INVS: variants seen among roughly 807,000 people sequenced by gnomAD.
The protein encoded by INVS is inversin, also known as inversion of embryo turning homolog.
A neutral mutation model predicts 108.8 loss-of-function variants in INVS; 86 were observed. The observed-to-expected ratio is 0.79, with a 90% CI of 0.66 to 0.95. The LOEUF (loss-of-function observed/expected upper bound fraction) is 0.95, where lower values mean the gene tolerates loss of function less well. Ranked by LOEUF, INVS falls within the 40% of genes least tolerant of loss-of-function variation. INVS has a pLI of 0.00. For missense variants in INVS, 1,169 were observed against 1,297.4 expected, an observed-to-expected ratio of 0.90 and a Z score of 1.52; for synonymous variants, 455 against 473.5, an observed-to-expected ratio of 0.96 and a Z score of 0.51.
chr9:100,134,079 T>C (rs958785121), intron 3 of INVS, among the ~76,000 whole-genome samples: 6 of 152,214 alleles, frequency 3.9e-5, no homozygotes, highest in African/African-American at 1.4e-4. Context: ...TTGTCTTTTA[T>C]CCCTTGCCCC....
chr9:100,223,799 T>C (rs573361906), intron 3 of INVS, among the ~76,000 whole-genome samples: 67 of 152,262 alleles, frequency 4.4e-4, no homozygotes, highest in Non-Finnish European at 8.7e-4. Context: ...TCCTCTTTCC[T>C]AGCCATGGTC....
Position 100,207,314 on chromosome 9 carries a change from G to A in INVS, c.274-18748G>A, listed in dbSNP as rs369358919. 1.7e-4 allele frequency among the ~76,000 whole-genome samples: 26 copies of A among 151,770 alleles called. 1 individual carries two copies. The highest frequency in any genetic ancestry group is 9.8e-4 in the Admixed American group (15 of 15,250). On this transcript the variant is annotated intron_variant, in intron 3 of 16. Transcript: ENST00000262457. ...TTTTTGTTTATTTATTTATTTTTCA[G>A]GCAGAGTCTCACTCTGTCACCCAGG...
chr9:100,226,327 C>A lies in INVS; in HGVS notation c.447+92C>A, dbSNP rs193072830. On this transcript the variant is annotated intron_variant, in intron 4 of 16. Transcript: ENST00000262457. ...ATTTCAAGGAAGAAGGCCTGAATTA[C>A]CACATATATACATGGTAGAACAATT... 2.3e-5 allele frequency: 23 copies of A among 995,864 alleles called. No individual in the cohort carries two copies. The East Asian group carries it at 5.7e-4, about 25-fold the overall frequency. The allele number at this position is 995,864 out of a possible 1,614,324, so 61.7% of individuals were successfully genotyped here.
chr9:100,279,142 A>G (rs1320975716), intron 12 of INVS, among the ~76,000 whole-genome samples: 1 of 152,258 alleles, frequency 6.6e-6, no homozygotes, highest in Admixed American at 6.5e-5. Context: ...ACATACCCGT[A>G]AGAAATGGAA....
At chr9:100,234,656 T>C (rs1029919303) in intron 5 of INVS, among the ~76,000 whole-genome samples, 1 of 152,220 alleles carries the variant, frequency 6.6e-6, no homozygotes. Flanking sequence ...TTGTTCAGTT[T>C]CCATGTAGTT....
chr9:100,207,143 G>A (rs973325654), intron 3 of INVS, among the ~76,000 whole-genome samples: 2 of 150,994 alleles, frequency 1.3e-5, no homozygotes, highest in African/African-American at 2.5e-5. Context: ...AGTATCTTGT[G>A]GGAGCTAATT....
chr9:100,153,463 G>T (rs1828871763), intron 3 of INVS, among the ~76,000 whole-genome samples: 1 of 151,982 alleles, frequency 6.6e-6, no homozygotes, highest in Non-Finnish European at 1.5e-5. Context: ...CGTCATAAAA[G>T]AAATACAAAT....
At chr9:100,283,956 A>G (rs935997641) in intron 12 of INVS, among the ~76,000 whole-genome samples, 3 of 152,148 alleles carry the variant, frequency 2.0e-5, no homozygotes, top group Non-Finnish European at 4.4e-5. Flanking sequence ...GTGCTTTCTG[A>G]AACAGGAGAA....
chr9:100,215,927 A>C (rs1830972462), intron 3 of INVS, among the ~76,000 whole-genome samples: 1 of 152,198 alleles, frequency 6.6e-6, no homozygotes, highest in African/African-American at 2.4e-5. Flanking sequence ...TCTGCATGAA[A>C]AACATACCTT....
chr9:100,229,638 C>G (rs7044179), intron 4 of INVS, 22 bp from the exon 5 acceptor site: 1 of 1,612,076 alleles, frequency 6.2e-7, no homozygotes. Context: ...GTTGTTATTT[C>G]GAGAACCTCT....
chr9:100,223,791 C>T (rs1026768978), intron 3 of INVS, among the ~76,000 whole-genome samples: 1 of 152,214 alleles, frequency 6.6e-6, no homozygotes, highest in Non-Finnish European at 1.5e-5. Context: ...TCTACAGATC[C>T]TCTTTCCTAG....
intron 3 of INVS, among the ~76,000 whole-genome samples, chr9:100,136,744 G>C (rs1346050041): frequency 6.6e-6 from 1 of 152,138 alleles, no homozygotes. Flanking sequence ...GATGGGAACA[G>C]AAAGGACAGT....
At chr9:100,167,536 T>G (rs892926560) in intron 3 of INVS, among the ~76,000 whole-genome samples, 3 of 152,226 alleles carry the variant, frequency 2.0e-5, no homozygotes, top group African/African-American at 7.2e-5. Context: ...AACCCTTTTC[T>G]GGCAATCCTA....
intron 10 of INVS, 111 bp downstream of exon 10, chr9:100,253,247 A>G: frequency 1.3e-6 from 1 of 780,634 alleles, no homozygotes; most frequent in Non-Finnish European, 2.2e-6. Context: ...ATCACCCACA[A>G]ATCCATCTGT....
chr9:100,216,503 C>T (rs1830992522), intron 3 of INVS, among the ~76,000 whole-genome samples: 1 of 152,160 alleles, frequency 6.6e-6, no homozygotes, highest in African/African-American at 2.4e-5. Context: ...GTGCTTTGTC[C>T]TCAATGTCAA....
intron 3 of INVS, among the ~76,000 whole-genome samples, chr9:100,213,866 A>G (rs1299199925): frequency 1.3e-5 from 2 of 152,156 alleles, no homozygotes; most frequent in African/African-American, 4.8e-5. Context: ...TGTTGCAAAC[A>G]CAACCCTGAA....
Position 100,252,447 on chromosome 9 carries a change from A to G in INVS, c.1234+9A>G. On this transcript the variant is annotated intron_variant, in intron 9 of 16. Transcript: ENST00000262457. Reference sequence around the variant, plus strand: ...TCAGACACTCATTAAAGGTGGGCTAATAAGAGTACTCCTAATAAGTCTCTC... The same window carrying G: ...TCAGACACTCATTAAAGGTGGGCTAGTAAGAGTACTCCTAATAAGTCTCTC... 6.2e-7 allele frequency: 1 copy of G among 1,612,576 alleles called. No homozygotes were observed. Among genetic ancestry groups the G allele is most frequent in the Non-Finnish European group, 8.5e-7 (1 of 1,178,658 alleles).
intron 13 of INVS, among the ~76,000 whole-genome samples, chr9:100,285,903 G>C (rs934355348): frequency 4.6e-5 from 7 of 152,224 alleles, no homozygotes; most frequent in African/African-American, 1.7e-4. Flanking sequence ...TTATAAGTTA[G>C]AGAACGGTAG....
At chr9:100,235,883 C>T (rs1225316004) in intron 5 of INVS, among the ~76,000 whole-genome samples, 2 of 152,076 alleles carry the variant, frequency 1.3e-5, no homozygotes, top group Non-Finnish European at 1.5e-5. Flanking sequence ...TAATGGTGTT[C>T]TCTGTATTTC....
Sources: gnomAD v4.1 joint callset for allele counts (sites outside exome capture counted in the v4.1 genomes callset) on GRCh38, gnomAD v4.1.1 for gene constraint, MANE v1.5 for transcripts, NCBI Gene and HGNC (gene_info 2026-07-23, HGNC 2026-07-21) for gene names.